DCC: variants seen among roughly 807,000 people sequenced by gnomAD.
DCC encodes the protein netrin receptor DCC.
In DCC, 58 loss-of-function variants were observed where a neutral mutation model predicts 172.5. The ratio of observed to expected loss-of-function variants is 0.34; its 90% CI spans 0.27 to 0.42. DCC has a LOEUF of 0.42. DCC is among the 10% of genes least tolerant of loss of function. DCC has a pLI of 1.00. For synonymous variants in DCC, 709 were observed against 644.5 expected (o/e 1.10, Z -1.52); for missense variants, 1,740 against 1,791.0 (o/e 0.97, Z 0.51).
intron 1 of DCC, among the ~76,000 whole-genome samples, chr18:52,663,109 A>C (rs1232378376): frequency 6.6e-6 from 1 of 152,206 alleles, no homozygotes; most frequent in Admixed American, 6.5e-5. Flanking sequence ...ACAGTTAAAG[A>C]ATGTATTTCA....
intron 7 of DCC, among the ~76,000 whole-genome samples, chr18:53,144,080 GCTTA>G (rs746286662): frequency 3.3e-5 from 5 of 152,146 alleles, no homozygotes; most frequent in Admixed American, 6.5e-5. Flanking sequence ...TCTAACTGTA[GCTTA>G]CTTACCACCT....
At chr18:53,192,371 T>A (rs968575468) in intron 9 of DCC, among the ~76,000 whole-genome samples, 2 of 151,934 alleles carry the variant, frequency 1.3e-5, no homozygotes, top group African/African-American at 4.8e-5. Flanking sequence ...GGAGAAAGAG[T>A]GAGAAAAATT....
At chr18:52,386,974 T>G (rs1985824348) in intron 1 of DCC, among the ~76,000 whole-genome samples, 1 of 152,102 alleles carries the variant, frequency 6.6e-6, no homozygotes, top group Non-Finnish European at 1.5e-5. Flanking sequence ...GCCAGTAGTT[T>G]AACTCCAATT....
chr18:52,992,014 T>G (rs2041401811), intron 5 of DCC, among the ~76,000 whole-genome samples: 1 of 152,198 alleles, frequency 6.6e-6, no homozygotes, highest in Non-Finnish European at 1.5e-5. Context: ...GCTCTCACAA[T>G]TTAAGCAATT....
At chr18:52,868,359 G>T (rs1386712104) in intron 2 of DCC, among the ~76,000 whole-genome samples, 1 of 152,148 alleles carries the variant, frequency 6.6e-6, no homozygotes, top group Non-Finnish European at 1.5e-5. Flanking sequence ...ACTCCCAGAA[G>T]TAGGCTAAGA....
intron 1 of DCC, among the ~76,000 whole-genome samples, chr18:52,461,771 TCTC>T (rs1353568159): frequency 1.3e-5 from 2 of 152,184 alleles, no homozygotes; most frequent in Admixed American, 1.3e-4. Flanking sequence ...TTTGTGGTGA[TCTC>T]CTCCAGTATC....
intron 1 of DCC, among the ~76,000 whole-genome samples, chr18:52,492,718 C>T (rs1221985): frequency 1.6e-3 from 239 of 152,140 alleles, no homozygotes; most frequent in Non-Finnish European, 2.3e-3. Context: ...TGTGTTGCCC[C>T]GCAGTGTGTG....
At chr18:52,455,987 C>CA (rs1988445608) in intron 1 of DCC, among the ~76,000 whole-genome samples, 2 of 151,866 alleles carry the variant, frequency 1.3e-5, no homozygotes, top group Non-Finnish European at 2.9e-5. Context: ...AACAAACAAA[C>CA]AAAAAAAGGT....
chr18:52,595,784 G>C (rs1354435393), intron 1 of DCC, among the ~76,000 whole-genome samples: 2 of 152,098 alleles, frequency 1.3e-5, no homozygotes, highest in African/African-American at 4.8e-5. Context: ...ATAGATTTCT[G>C]GGGTAGATCT....
At chr18:53,057,029 A>C (rs1213334222) in intron 5 of DCC, among the ~76,000 whole-genome samples, 1 of 150,386 alleles carries the variant, frequency 6.6e-6, no homozygotes, top group Non-Finnish European at 1.5e-5. Flanking sequence ...TTTATTACAT[A>C]CCTAAGTAAC....
intron 26 of DCC, among the ~76,000 whole-genome samples, chr18:53,490,174 T>C (rs1365913923): frequency 6.6e-6 from 1 of 152,140 alleles, no homozygotes. Flanking sequence ...TTGACCTAGA[T>C]AAAATGAGGA....
At chr18:52,410,466 A>C (rs1986806719) in intron 1 of DCC, among the ~76,000 whole-genome samples, 2 of 152,150 alleles carry the variant, frequency 1.3e-5, no homozygotes, top group South Asian at 4.1e-4. Flanking sequence ...CAACTGTATG[A>C]AAAGTTTTGG....
At chr18:52,385,581 C>T (rs1384390617) in intron 1 of DCC, among the ~76,000 whole-genome samples, 1 of 152,016 alleles carries the variant, frequency 6.6e-6, no homozygotes, top group Non-Finnish European at 1.5e-5. Context: ...AACAGTTCCA[C>T]AGTTTAAAAA....
At chr18:53,192,336 AT>A in intron 9 of DCC, among the ~76,000 whole-genome samples, 1 of 152,276 alleles carries the variant, frequency 6.6e-6, no homozygotes, top group East Asian at 1.9e-4. Flanking sequence ...AAGATATTTT[AT>A]CTTGGGCTCA....
chr18:53,176,137 G>A (rs1280517969), intron 8 of DCC, among the ~76,000 whole-genome samples: 1 of 138,088 alleles, frequency 7.2e-6, no homozygotes, highest in Non-Finnish European at 1.5e-5. Flanking sequence ...GTAGAAAGCT[G>A]AAACTGGATC....
rs1193767366 is a variant in DCC at position 52,683,190 on chromosome 18, C to G, written c.92-68864C>G. Among the ~76,000 whole-genome samples the G allele has an allele frequency of 2.0e-5, 3 of 152,206 alleles. No individual in the cohort carries two copies. In the South Asian group the frequency reaches 6.2e-4, roughly 32 times the overall value. ...TCTTTGTCTGTTTGACCTCAAGCCACTTTTCTGCTTTATGCCTTCTCTATG... is the reference window on the plus strand; with the variant it reads ...TCTTTGTCTGTTTGACCTCAAGCCAGTTTTCTGCTTTATGCCTTCTCTATG... On this transcript the variant is annotated intron_variant, in intron 1 of 28. Transcript: ENST00000442544.
chr18:53,214,862 G>T (rs1329002540), intron 11 of DCC, among the ~76,000 whole-genome samples: 3 of 152,122 alleles, frequency 2.0e-5, no homozygotes, highest in Non-Finnish European at 2.9e-5. Flanking sequence ...AAAGAGAGCT[G>T]TATATGTTCT....
intron 17 of DCC, among the ~76,000 whole-genome samples, chr18:53,393,649 A>G (rs1908718129): frequency 6.6e-6 from 1 of 152,222 alleles, no homozygotes; most frequent in East Asian, 1.9e-4. Flanking sequence ...TTCATTTCAC[A>G]GAATGGCCAT....
Position 53,526,637 on chromosome 18 carries a change from C to A in DCC, c.4132C>A (p.His1378Asn), listed in dbSNP as rs201838905. 6.2e-7 allele frequency: 1 copy of A among 1,613,518 alleles called. No individual in the cohort carries two copies. Among genetic ancestry groups the A allele is most frequent in the African/African-American group, 1.3e-5 (1 of 75,000 alleles). ...SQPGPTLPKT[H>N]VKTASLGLAG... Reference sequence around the variant, plus strand: ...TTCAGGGCCCACTCTTCCTAAGACCCATGTGAAAACAGCCTCCCTTGGGTT... The same window carrying A: ...TTCAGGGCCCACTCTTCCTAAGACCAATGTGAAAACAGCCTCCCTTGGGTT... The change falls in exon 28 of 29, where the codon CAT becomes AAT. Residue 1378 changes from histidine to asparagine, a missense_variant. Coordinates refer to ENST00000442544, the MANE Select transcript of DCC (RefSeq NM_005215.4).
Sources: gnomAD v4.1 joint callset for allele counts (sites outside exome capture counted in the v4.1 genomes callset) on GRCh38, gnomAD v4.1.1 for gene constraint, MANE v1.5 for transcripts, NCBI Gene and HGNC (gene_info 2026-07-23, HGNC 2026-07-21) for gene names.